The following CDK19 variants were observed in gnomAD, a reference collection of about 807,000 sequenced individuals.
CDK19 encodes the protein cyclin-dependent kinase 19.
A neutral mutation model predicts 68.3 loss-of-function variants in CDK19; 20 were observed. That is an observed-to-expected ratio of 0.29 (90% CI 0.21 to 0.43). The LOEUF is 0.43. Ranked by LOEUF, CDK19 falls within the 20% of genes least tolerant of loss-of-function variation. The probability of loss-of-function intolerance (pLI) is 1.00; values close to 1 mark genes in which losing one functional copy is unlikely to be tolerated. For synonymous variants in CDK19, 221 were observed against 222.8 expected, an observed-to-expected ratio of 0.99 and a Z score of 0.07; for missense variants, 339 against 623.5, an observed-to-expected ratio of 0.54 and a Z score of 4.86.
intron 1 of CDK19, among the ~76,000 whole-genome samples, chr6:110,777,091 A>G (rs903194672): frequency 1.1e-4 from 17 of 152,232 alleles, no homozygotes; most frequent in African/African-American, 3.6e-4. Context: ...ATCTATCTAT[A>G]TGTCAGAAGC....
At chr6:110,744,659 T>C (rs568214352) in intron 2 of CDK19, among the ~76,000 whole-genome samples, 1 of 152,338 alleles carries the variant, frequency 6.6e-6, no homozygotes, top group African/African-American at 2.4e-5. Context: ...TGTCAGACAC[T>C]ATGGTAGGAA....
chr6:110,810,900 A>G (rs542851727), intron 1 of CDK19, among the ~76,000 whole-genome samples: 1 of 151,852 alleles, frequency 6.6e-6, no homozygotes, highest in Non-Finnish European at 1.5e-5. Flanking sequence ...TTTTTTTGGT[A>G]TAAATGCACT....
intron 2 of CDK19, among the ~76,000 whole-genome samples, chr6:110,723,253 G>A (rs1776073339): frequency 6.6e-6 from 1 of 151,804 alleles, no homozygotes; most frequent in South Asian, 2.1e-4. Context: ...AACAATGCTA[G>A]CCTAGGTACC....
chr6:110,724,756 T>A (rs1361803481), intron 2 of CDK19, among the ~76,000 whole-genome samples: 1 of 152,194 alleles, frequency 6.6e-6, no homozygotes, highest in Non-Finnish European at 1.5e-5. Context: ...TCTTCTAAAT[T>A]TATTAGATAG....
At chr6:110,663,523 G>T (rs930710801) in intron 4 of CDK19, among the ~76,000 whole-genome samples, 1 of 151,184 alleles carries the variant, frequency 6.6e-6, no homozygotes, top group Non-Finnish European at 1.5e-5. Flanking sequence ...GATTCCTGTT[G>T]GTTCAAAGTT....
At chr6:110,764,193 T>C (rs1320057518) in intron 1 of CDK19, among the ~76,000 whole-genome samples, 2 of 152,320 alleles carry the variant, frequency 1.3e-5, no homozygotes, top group South Asian at 2.1e-4. Context: ...ACTTAATCTA[T>C]AGATACAACA....
At chr6:110,619,060 G>C (rs1246529845) in intron 12 of CDK19, among the ~76,000 whole-genome samples, 1 of 152,154 alleles carries the variant, frequency 6.6e-6, no homozygotes, top group Non-Finnish European at 1.5e-5. Flanking sequence ...TGTATGAGTT[G>C]CAAGTTCGGT....
chr6:110,642,633 C>A (rs564493415), intron 4 of CDK19, among the ~76,000 whole-genome samples: 9 of 152,162 alleles, frequency 5.9e-5, no homozygotes, highest in Non-Finnish European at 1.2e-4. Context: ...CTGAGGGACC[C>A]TCCCCTTAAC....
At position 110,673,560 on chromosome 6, in the gene CDK19, T is replaced by C. The variant is rs199626647; in HGVS notation, c.205-3019A>G. Among the ~76,000 whole-genome samples, 17 of 152,080 alleles carry C rather than the reference T, an allele frequency of 1.1e-4. No homozygotes were observed. The East Asian group carries it at 2.7e-3, about 24-fold the overall frequency. ...TGTAAAAAAAAAAAAACTTTTTTTGTAGAGATAGAGTCTCACTACGTTGTC... is the reference window on the plus strand; with the variant it reads ...TGTAAAAAAAAAAAAACTTTTTTTGCAGAGATAGAGTCTCACTACGTTGTC... On this transcript the variant is annotated intron_variant, in intron 2 of 12. Coordinates refer to ENST00000368911, the MANE Select transcript of CDK19 (RefSeq NM_015076.5).
intron 2 of CDK19, among the ~76,000 whole-genome samples, chr6:110,727,151 A>G (rs925906639): frequency 2.6e-5 from 4 of 152,218 alleles, no homozygotes; most frequent in African/African-American, 9.6e-5. Context: ...ATGAAAACAC[A>G]TTATAAAAGT....
At chr6:110,731,275 T>C (rs569221505) in intron 2 of CDK19, among the ~76,000 whole-genome samples, 2 of 152,274 alleles carry the variant, frequency 1.3e-5, no homozygotes, top group South Asian at 4.1e-4. Flanking sequence ...AATCACTGGA[T>C]TATAGAATGA....
intron 1 of CDK19, among the ~76,000 whole-genome samples, chr6:110,776,046 T>C (rs1295333201): frequency 6.6e-6 from 1 of 152,186 alleles, no homozygotes; most frequent in African/African-American, 2.4e-5. Context: ...TTTAAAAATG[T>C]TATAAATCAC....
At chr6:110,790,787 A>C (rs1781537124) in intron 1 of CDK19, among the ~76,000 whole-genome samples, 1 of 152,232 alleles carries the variant, frequency 6.6e-6, no homozygotes, top group African/African-American at 2.4e-5. Flanking sequence ...AGTGCTATTT[A>C]TAATAATAAA....
intron 2 of CDK19, among the ~76,000 whole-genome samples, chr6:110,685,517 G>A (rs1030537040): frequency 1.3e-5 from 2 of 152,190 alleles, no homozygotes; most frequent in African/African-American, 2.4e-5. Context: ...TGCAGGGACT[G>A]TGTCTTCCAT....
intron 2 of CDK19, among the ~76,000 whole-genome samples, chr6:110,674,415 G>A (rs1322021446): frequency 3.9e-5 from 6 of 152,206 alleles, no homozygotes; most frequent in Admixed American, 6.5e-5. Flanking sequence ...CACACTGAAA[G>A]TTCAAACAGG....
At chr6:110,632,961 C>T (rs1779534649) in intron 5 of CDK19, among the ~76,000 whole-genome samples, 1 of 152,180 alleles carries the variant, frequency 6.6e-6, no homozygotes, top group African/African-American at 2.4e-5. Context: ...TGGCTCACGC[C>T]TGTAATTCCA....
rs556836534 is a variant in CDK19, at chr6:110,747,212, G to T, written c.129-1011C>A. Among the ~76,000 whole-genome samples the T allele has an allele frequency of 2.6e-5, 4 of 152,272 alleles. No individual in the cohort carries two copies. In the East Asian group the frequency reaches 7.7e-4, roughly 29 times the overall value. On this transcript the variant is annotated intron_variant, in intron 1 of 12. Coordinates refer to ENST00000368911, the MANE Select transcript of CDK19 (RefSeq NM_015076.5). Reference sequence around the variant, plus strand: ...CATTTTCCCCATTCTATGTTTACCTGCAGATAGAGCAGTTTAGGATGTTAT... The same window carrying T: ...CATTTTCCCCATTCTATGTTTACCTTCAGATAGAGCAGTTTAGGATGTTAT...
In CDK19 at chr6:110,761,966, T is replaced by TC. The variant is rs200797259; in HGVS notation, c.129-15766dup. The stretch of plus-strand genomic sequence containing the variant: ...TTAGGATTCCTTTGATCTTCCATTT[T>TC]CCCCCCAGGCTTTTGCTCCCTCAAT... On this transcript the variant is annotated intron_variant, in intron 1 of 12. Coordinates refer to ENST00000368911, the MANE Select transcript of CDK19 (RefSeq NM_015076.5). Among the ~76,000 whole-genome samples, 685 of 152,104 alleles carry TC rather than the reference T, an allele frequency of 4.5e-3. 3 individuals carry two copies. The highest frequency in any genetic ancestry group is 0.017 in the Middle Eastern group (5 of 294).
intron 2 of CDK19, among the ~76,000 whole-genome samples, chr6:110,725,664 C>T (rs1776265609): frequency 6.6e-6 from 1 of 152,144 alleles, no homozygotes; most frequent in Non-Finnish European, 1.5e-5. Flanking sequence ...CTAACAGTCT[C>T]ATAAGCAGCC....
Sources: gnomAD v4.1 joint callset for allele counts (sites outside exome capture counted in the v4.1 genomes callset) on GRCh38, gnomAD v4.1.1 for gene constraint, MANE v1.5 for transcripts, NCBI Gene and HGNC (gene_info 2026-07-23, HGNC 2026-07-21) for gene names.